CYP2J2: variants seen among roughly 807,000 people sequenced by gnomAD.
The protein encoded by CYP2J2 is cytochrome P450 2J2.
Under a neutral mutation model 48.8 loss-of-function variants are expected in CYP2J2, and 41 were observed. The observed-to-expected ratio is 0.84, with a 90% confidence interval of 0.66 to 1.09. The LOEUF (loss-of-function observed/expected upper bound fraction) is 1.09. Among genes scored for constraint, CYP2J2 ranks in the 50% least tolerant of loss-of-function variants. CYP2J2 has a pLI of 0.00. For missense variants in CYP2J2, 644 were observed against 617.3 expected (o/e 1.04, Z -0.46); for synonymous variants, 221 against 227.1 (o/e 0.97, Z 0.24).
chr1:59,893,836 G>C lies in CYP2J2; in HGVS notation c.1331-7C>G, dbSNP rs111604314. On this transcript the variant is annotated splice_region_variant and splice_polypyrimidine_tract_variant and intron_variant, in intron 8 of 8. Coordinates refer to ENST00000371204, the MANE Select transcript of CYP2J2 (RefSeq NM_000775.4). ...CCGAGGCATGCCCGCTTTCCTGTAAGACAAAATCAAAAGACGGGTTATCTT... is the reference window on the plus strand; with the variant it reads ...CCGAGGCATGCCCGCTTTCCTGTAACACAAAATCAAAAGACGGGTTATCTT... 17 of 1,594,224 alleles carry C rather than the reference G, an allele frequency of 1.1e-5. No individual in the cohort carries two copies. The African/African-American group carries it at 1.6e-4, about 15-fold the overall frequency.
the CYP2J2 span, among the ~76,000 whole-genome samples, chr1:59,956,722 T>A: frequency 6.6e-6 from 1 of 152,044 alleles, no homozygotes; most frequent in African/African-American, 2.4e-5. Flanking sequence ...AAGAAAAAAA[T>A]AATTTTAAAA....
At chr1:59,937,272 C>T in the CYP2J2 span, among the ~76,000 whole-genome samples, 9 of 152,278 alleles carry the variant, frequency 5.9e-5, no homozygotes, top group East Asian at 1.5e-3. Context: ...TTTTGAAAGC[C>T]ATGATCTGAA....
At chr1:59,906,378 C>G (rs550520823) in intron 6 of CYP2J2, among the ~76,000 whole-genome samples, 4 of 152,114 alleles carry the variant, frequency 2.6e-5, no homozygotes, top group African/African-American at 9.6e-5. Flanking sequence ...ACAAGGGCAT[C>G]ATTCTAATCA....
the CYP2J2 span, among the ~76,000 whole-genome samples, chr1:59,958,342 T>A: frequency 6.6e-6 from 1 of 152,152 alleles, no homozygotes; most frequent in Non-Finnish European, 1.5e-5. Context: ...TCAACAAAAT[T>A]TTCCATATCC....
chr1:59,943,579 AT>A, the CYP2J2 span, among the ~76,000 whole-genome samples: 5 of 152,206 alleles, frequency 3.3e-5, no homozygotes. Context: ...GAAACAGTCA[AT>A]TTTAGCAAGT....
At chr1:59,953,377 TGAC>T in the CYP2J2 span, among the ~76,000 whole-genome samples, 1 of 152,160 alleles carries the variant, frequency 6.6e-6, no homozygotes, top group African/African-American at 2.4e-5. Context: ...ATAAACACCA[TGAC>T]AACAGCCTGC....
chr1:59,930,146 A>T (rs1224396057), upstream of CYP2J2, among the ~76,000 whole-genome samples: 1 of 152,234 alleles, frequency 6.6e-6, no homozygotes, highest in East Asian at 1.9e-4. Flanking sequence ...AAAAAAACTC[A>T]GAAAACTGTT....
chr1:59,951,870 T>A, the CYP2J2 span, among the ~76,000 whole-genome samples: 1 of 152,136 alleles, frequency 6.6e-6, no homozygotes, highest in African/African-American at 2.4e-5. Flanking sequence ...GACATTCTTG[T>A]TTTTGACCCT....
intron 8 of CYP2J2, among the ~76,000 whole-genome samples, chr1:59,899,121 AT>A (rs1174987141): frequency 6.6e-6 from 1 of 152,174 alleles, no homozygotes; most frequent in African/African-American, 2.4e-5. Flanking sequence ...TAGGTGAAGC[AT>A]TTTTTGTGGA....
intron 6 of CYP2J2, among the ~76,000 whole-genome samples, chr1:59,905,557 A>G (rs540034388): frequency 6.6e-6 from 1 of 152,350 alleles, no homozygotes; most frequent in African/African-American, 2.4e-5. Flanking sequence ...GCAGATCTAC[A>G]GACTCTAATT....
chr1:59,950,635 G>A, the CYP2J2 span, among the ~76,000 whole-genome samples: 3 of 152,176 alleles, frequency 2.0e-5, no homozygotes, highest in Non-Finnish European at 4.4e-5. Flanking sequence ...GACCATAGTG[G>A]CTTGACCAAA....
At chr1:59,955,265 CATATATATATATCCAT>C in the CYP2J2 span, among the ~76,000 whole-genome samples, 12 of 23,946 alleles carry the variant, frequency 5.0e-4, no homozygotes, top group East Asian at 2.2e-3. Flanking sequence ...TATATATATC[CATATATATATATCCAT>C]ATATATATAT....
rs555916381 is a variant in CYP2J2 at position 59,919,240 on chromosome 1, G to A, written c.211-3140C>T. Among the ~76,000 whole-genome samples, 22 of 152,260 alleles carry A rather than the reference G, an allele frequency of 1.4e-4. No homozygotes were observed. The South Asian group carries it at 4.6e-3, about 32-fold the overall frequency. ...ACATCTGTCCCTCAATCTGGATGTT[G>A]TATTTTTAAAGTCGTATGTTTATGT... On this transcript the variant is annotated intron_variant, in intron 1 of 8. Transcript: ENST00000371204.
chr1:59,930,025 T>C (rs967022490), upstream of CYP2J2, among the ~76,000 whole-genome samples: 6 of 152,080 alleles, frequency 3.9e-5, no homozygotes, highest in South Asian at 2.1e-4. Context: ...ATGAGAGAAA[T>C]AGTTCATTCA....
In CYP2J2 at chr1:59,926,501, G is replaced by T. The variant is rs758947338; in HGVS notation, c.210+36C>A. 1.2e-5 allele frequency: 18 copies of T among 1,564,494 alleles called. No homozygotes were observed. In the South Asian group the frequency reaches 1.9e-4, roughly 16 times the overall value. On this transcript the variant is annotated intron_variant, in intron 1 of 8. Transcript: ENST00000371204. ...CCCTTGTGCTGCAGAACAGAGTTAG[G>T]GTCAGGACACGCTAGGCACCTTCTC...
the CYP2J2 span, among the ~76,000 whole-genome samples, chr1:59,950,101 T>A: frequency 2.0e-5 from 3 of 152,136 alleles, no homozygotes; most frequent in African/African-American, 7.2e-5. Flanking sequence ...CATTGTCAAC[T>A]CGGTATTATT....
chr1:59,946,558 A>G, the CYP2J2 span, among the ~76,000 whole-genome samples: 2 of 152,190 alleles, frequency 1.3e-5, no homozygotes, highest in Non-Finnish European at 2.9e-5. Context: ...TGTTTTGTTC[A>G]CTGCTATGTC....
chr1:59,902,822 A>C (rs1644332204), intron 7 of CYP2J2, among the ~76,000 whole-genome samples: 1 of 152,180 alleles, frequency 6.6e-6, no homozygotes, highest in Non-Finnish European at 1.5e-5. Context: ...GTTTAAATGC[A>C]TTTTTCAGAT....
Position 59,916,181 on chromosome 1 carries a change from G to A in CYP2J2, c.211-81C>T, listed in dbSNP as rs112574239. 8.1e-6 allele frequency: 10 copies of A among 1,239,234 alleles called. No individual in the cohort carries two copies. The African/African-American group carries it at 1.0e-4, about 13-fold the overall frequency. The allele number at this position is 1,239,234 out of a possible 1,614,324, so 76.8% of individuals were successfully genotyped here. ...ATGGAGGATGTGTGTAGCTGGAGGGGATCATATTGAGAGGAGTGCGTGTGT... is the reference window on the plus strand; with the variant it reads ...ATGGAGGATGTGTGTAGCTGGAGGGAATCATATTGAGAGGAGTGCGTGTGT... On this transcript the variant is annotated intron_variant, in intron 1 of 8. Transcript: ENST00000371204.
Sources: allele counts gnomAD v4.1 joint callset (sites outside exome capture counted in the v4.1 genomes callset), GRCh38; gene constraint gnomAD v4.1.1; transcripts MANE v1.5; gene names NCBI Gene and HGNC (gene_info 2026-07-23, HGNC 2026-07-21).